PPL: variants seen among roughly 807,000 people sequenced by gnomAD.
The protein encoded by PPL is 190 kDa paraneoplastic pemphigus antigen.
PPL carries 198 observed loss-of-function variants against 194.4 expected under a neutral mutation model. The observed-to-expected ratio is 1.02, with a 90% confidence interval of 0.91 to 1.15. The LOEUF is 1.15. Ranked by LOEUF, PPL falls within the 50% of genes most tolerant of loss-of-function variation. The probability of loss-of-function intolerance (pLI) is 0.00; values close to 1 mark genes in which losing one functional copy is unlikely to be tolerated. For missense variants in PPL, 2,885 were observed against 2,294.8 expected, an observed-to-expected ratio of 1.26 and a Z score of -5.25; for synonymous variants, 1,220 against 972.4, an observed-to-expected ratio of 1.25 and a Z score of -4.74.
rs2088230996 is a variant in PPL, at chr16:4,887,118, T to C, written c.2607+17A>G. The C allele has an allele frequency of 2.5e-6, 4 of 1,585,592 alleles. No individual in the cohort carries two copies. The highest frequency in any genetic ancestry group is 3.5e-6 in the Non-Finnish European group (4 of 1,154,262). ...TTAGAACAGCCTGAAGTAGAATTTC[T>C]TACTAAGATCAGTTACCTGTCTGAG... On this transcript the variant is annotated intron_variant, in intron 21 of 21. Coordinates refer to ENST00000345988, the MANE Select transcript of PPL (RefSeq NM_002705.5).
chr16:4,908,493 G>A (rs1234719323), intron 2 of PPL, among the ~76,000 whole-genome samples: 1 of 151,544 alleles, frequency 6.6e-6, no homozygotes, highest in Non-Finnish European at 1.5e-5. Context: ...TATGTTAATA[G>A]TCAGTAGATA....
rs556598867 is a variant in PPL, at chr16:4,912,411, A to G, written c.63-1462T>C. 8.5e-5 allele frequency among the ~76,000 whole-genome samples: 13 copies of G among 152,358 alleles called. No individual in the cohort carries two copies. The South Asian group carries it at 2.5e-3, about 29-fold the overall frequency. ...TCTTTTTATGGCTGAATAATATTCCATCACGTGGCTACTTCACATTTTGCT... is the reference window on the plus strand; with the variant it reads ...TCTTTTTATGGCTGAATAATATTCCGTCACGTGGCTACTTCACATTTTGCT... On this transcript the variant is annotated intron_variant, in intron 1 of 21. Coordinates refer to ENST00000345988, the MANE Select transcript of PPL (RefSeq NM_002705.5).
At position 4,920,677 on chromosome 16, in the gene PPL, G is replaced by C. The variant is rs573890749; in HGVS notation, c.63-9728C>G. On this transcript the variant is annotated intron_variant, in intron 1 of 21. Transcript: ENST00000345988. ...AGGGTTTCGCCATGTTAGCCGGGGT[G>C]GTCTTGAACTCCTGATCAGGTGATC... Among the ~76,000 whole-genome samples, 223 of 152,220 alleles carry C rather than the reference G, an allele frequency of 1.5e-3. 3 individuals are homozygous for C. The highest frequency in any genetic ancestry group is 1.0e-3 in the Non-Finnish European group (69 of 68,016).
chr16:4,923,876 T>C (rs1232688361), intron 1 of PPL, among the ~76,000 whole-genome samples: 1 of 151,980 alleles, frequency 6.6e-6, no homozygotes, highest in Non-Finnish European at 1.5e-5. Flanking sequence ...GTGGGGGCCT[T>C]GCCAGGGCAG....
rs1009492171 is a variant in PPL at position 4,889,157 on chromosome 16, A to C, written c.2314-96T>G. 217 of 940,032 alleles carry C rather than the reference A, an allele frequency of 2.3e-4. No homozygotes were observed. In the African/African-American group the frequency reaches 3.3e-3, roughly 14 times the overall value. The allele number at this position is 940,032 out of a possible 1,614,324, so 58.2% of individuals were successfully genotyped here. The stretch of plus-strand genomic sequence containing the variant: ...GCTGGAAATCTCAGAATCTGAATTT[A>C]TTCTTCTCTAGCACAAAGTATGATG... On this transcript the variant is annotated intron_variant, in intron 18 of 21. Transcript: ENST00000345988.
intron 9 of PPL, among the ~76,000 whole-genome samples, chr16:4,897,194 G>C (rs147853361): frequency 0.02 from 2,957 of 151,614 alleles, 96 homozygotes; most frequent in African/African-American, 0.067. Flanking sequence ...AATTAGCTGG[G>C]TGTGGTGGTG....
intron 1 of PPL, among the ~76,000 whole-genome samples, chr16:4,925,916 T>A (rs1330493191): frequency 6.6e-6 from 1 of 152,202 alleles, no homozygotes. Flanking sequence ...GATTTACAGT[T>A]TGTTGTCATT....
At chr16:4,898,849 A>G (rs1204836303) in intron 8 of PPL, among the ~76,000 whole-genome samples, 164 bp downstream of exon 8, 1 of 152,214 alleles carries the variant, frequency 6.6e-6, no homozygotes, top group East Asian at 1.9e-4. Context: ...ATCAGGATAA[A>G]TGGAGGAGGC....
At chr16:4,886,767 C>T (rs141962339) in intron 21 of PPL, among the ~76,000 whole-genome samples, 1,650 of 152,240 alleles carry the variant, frequency 0.011, 37 homozygotes, top group African/African-American at 0.038. Flanking sequence ...TACAAGCATG[C>T]GCCACGACGC....
intron 1 of PPL, among the ~76,000 whole-genome samples, chr16:4,928,766 T>C (rs1453887187): frequency 6.6e-6 from 1 of 152,104 alleles, no homozygotes; most frequent in African/African-American, 2.4e-5. Context: ...ATCCCAGCAC[T>C]TTAGGAAGCC....
intron 2 of PPL, among the ~76,000 whole-genome samples, chr16:4,905,213 A>G (rs940687332): frequency 6.6e-6 from 1 of 152,210 alleles, no homozygotes; most frequent in African/African-American, 2.4e-5. Flanking sequence ...TAATGGGCAT[A>G]AGGAAAATAC....
intron 1 of PPL, among the ~76,000 whole-genome samples, chr16:4,924,339 C>T (rs535374258): frequency 3.3e-5 from 5 of 152,268 alleles, no homozygotes; most frequent in Middle Eastern, 3.4e-3. Context: ...CACAGACATA[C>T]GTGCACAGCC....
chr16:4,902,337 T>C lies in PPL; in HGVS notation c.438+69A>G. The C allele has an allele frequency of 6.3e-7, 1 of 1,590,718 alleles. No homozygotes were observed. The highest frequency in any genetic ancestry group is 2.3e-5 in the East Asian group (1 of 44,348). On this transcript the variant is annotated intron_variant, in intron 4 of 21. Transcript: ENST00000345988. This position sits in a 1 kb window ranked among gnomAD's most constrained non-coding sequence, Gnocchi z 4.0. ...CGGGATGCCCATTACATGGGTAGGCTCTCCCTGCACACGCACAGCCCCCTC... is the reference window on the plus strand; with the variant it reads ...CGGGATGCCCATTACATGGGTAGGCCCTCCCTGCACACGCACAGCCCCCTC...
In PPL at chr16:4,886,063, C is replaced by T; in HGVS notation, c.2608-16G>A. The T allele has an allele frequency of 6.2e-7, 1 of 1,613,690 alleles. No homozygotes were observed. Among genetic ancestry groups the T allele is most frequent in the South Asian group, 1.1e-5 (1 of 91,078 alleles). ...CTTCCGGCTGCTGTGATGGAGAAGA[C>T]AAGACAAGGTTAAAGCCAGGCTCTG... On this transcript the variant is annotated splice_polypyrimidine_tract_variant and intron_variant, in intron 21 of 21. Coordinates refer to ENST00000345988, the MANE Select transcript of PPL (RefSeq NM_002705.5).
intron 1 of PPL, among the ~76,000 whole-genome samples, chr16:4,928,406 G>A (rs1423298031): frequency 1.3e-5 from 2 of 152,216 alleles, no homozygotes; most frequent in Admixed American, 6.5e-5. Context: ...TGAGAGGGCT[G>A]GCAGGGTGTC....
chr16:4,897,332 CAAAAAAAAAA>C (rs57191109), intron 9 of PPL, among the ~76,000 whole-genome samples: 3 of 53,426 alleles, frequency 5.6e-5, no homozygotes, highest in African/African-American at 2.1e-4. Context: ...AAGACTCTCT[CAAAAAAAAAA>C]AAAAAAAAAA....
At chr16:4,925,172 G>C (rs958343336) in intron 1 of PPL, among the ~76,000 whole-genome samples, 6 of 152,212 alleles carry the variant, frequency 3.9e-5, no homozygotes, top group Non-Finnish European at 7.3e-5. Context: ...ACCTGTCCCA[G>C]AGCCCAGAGA....
At chr16:4,910,118 A>G (rs1328709617) in intron 2 of PPL, among the ~76,000 whole-genome samples, 1 of 152,178 alleles carries the variant, frequency 6.6e-6, no homozygotes, top group Non-Finnish European at 1.5e-5. Context: ...CCCTCAGGGT[A>G]CAGAGGCTTC....
chr16:4,885,944 T>C lies in PPL; in HGVS notation c.2711A>G (p.Glu904Gly). The C allele has an allele frequency of 6.2e-7, 1 of 1,613,464 alleles. No individual in the cohort carries two copies. The highest frequency in any genetic ancestry group is 1.7e-4 in the Middle Eastern group (1 of 6,060). ...KIRKELDEET[E>G]RRRQLENEVK... The stretch of plus-strand genomic sequence containing the variant: ...CTCGTTCTCCAGCTGCCGCCTCCGC[T>C]CAGTCTCCTCATCCAGTTCCTTCCT... The change falls in exon 22 of 22, where the codon GAG becomes GGG. Residue 904 changes from glutamate (E) to glycine (G), a missense_variant. Coordinates refer to ENST00000345988, the MANE Select transcript of PPL (RefSeq NM_002705.5). This position sits in a 1 kb window ranked among gnomAD's most constrained non-coding sequence, Gnocchi z 6.3.
Sources: allele counts gnomAD v4.1 joint callset (sites outside exome capture counted in the v4.1 genomes callset), GRCh38; gene constraint gnomAD v4.1.1; non-coding constraint Gnocchi (gnomAD v3.1); transcripts MANE v1.5; gene names NCBI Gene and HGNC (gene_info 2026-07-23, HGNC 2026-07-21).